Variants in SPACA7 observed in about 807,000 individuals in gnomAD.
SPACA7 encodes sperm acrosome-associated protein 7.
A neutral mutation model predicts 26.3 loss-of-function variants in SPACA7; 19 were observed. The observed-to-expected ratio is 0.72, with a 90% CI of 0.50 to 1.06. The LOEUF is 1.06. Among genes scored for constraint, SPACA7 ranks in the 50% least tolerant of loss-of-function variants. The probability of loss-of-function intolerance (pLI) is 0.00; values close to 1 mark genes in which losing one functional copy is unlikely to be tolerated. For missense variants in SPACA7, 211 were observed against 229.9 expected (o/e 0.92, Z 0.53); for synonymous variants, 84 against 84.5 (o/e 0.99, Z 0.04).
intron 5 of SPACA7, among the ~76,000 whole-genome samples, chr13:112,426,612 T>G (rs985791900): frequency 1.3e-5 from 2 of 152,214 alleles, no homozygotes; most frequent in African/African-American, 2.4e-5. Context: ...GGCATATATT[T>G]TATTAGGTTT....
intron 5 of SPACA7, among the ~76,000 whole-genome samples, chr13:112,405,326 T>G (rs1885917588): frequency 6.6e-6 from 1 of 152,184 alleles, no homozygotes; most frequent in Non-Finnish European, 1.5e-5. Context: ...TTTTTTTCCT[T>G]TTACCAATAA....
Position 112,376,533 on chromosome 13 carries a change from C to T in SPACA7, c.94+54C>T, listed in dbSNP as rs762504268. 1.7e-5 allele frequency: 27 copies of T among 1,565,654 alleles called. No homozygotes were observed. The Middle Eastern group carries it at 6.6e-4, about 39-fold the overall frequency. On this transcript the variant is annotated intron_variant, in intron 1 of 6. Coordinates refer to ENST00000283550, the MANE Select transcript of SPACA7 (RefSeq NM_145248.5). Reference sequence around the variant, plus strand: ...AAAGAGAACTGAACCAGGTGGGGAGCGGCGGCCTCTTCTCCCATGGGTTCC... The same window carrying T: ...AAAGAGAACTGAACCAGGTGGGGAGTGGCGGCCTCTTCTCCCATGGGTTCC...
intron 1 of SPACA7, among the ~76,000 whole-genome samples, chr13:112,379,908 A>T (rs1023884966): frequency 2.6e-5 from 4 of 152,254 alleles, no homozygotes; most frequent in Non-Finnish European, 4.4e-5. Context: ...GTTAAATGAC[A>T]GTAAAGAATT....
chr13:112,387,426 G>A (rs774422279), intron 1 of SPACA7, among the ~76,000 whole-genome samples: 6 of 152,324 alleles, frequency 3.9e-5, no homozygotes, highest in Non-Finnish European at 8.8e-5. Flanking sequence ...TCTATCCTGT[G>A]ATACTTCTTT....
In SPACA7 at chr13:112,414,388, C is replaced by CTTTTTTTTTTTTTTTTTTTTTTTTTTTT. The variant is rs869183760; in HGVS notation, c.445+13237_445+13264dup. Among the ~76,000 whole-genome samples, 3 of 31,396 alleles carry CTTTTTTTTTTTTTTTTTTTTTTTTTTTT rather than the reference C, an allele frequency of 9.6e-5. 1 individual carries two copies. Among genetic ancestry groups the CTTTTTTTTTTTTTTTTTTTTTTTTTTTT allele is most frequent in the Non-Finnish European group, 1.7e-4 (3 of 17,230 alleles). 20.6% of individuals were successfully genotyped at this position (31,396 alleles called of 152,430 possible). A position where few individuals can be genotyped will look rare whatever the true frequency, so the allele number is the denominator to read the frequency against. On this transcript the variant is annotated intron_variant, in intron 5 of 6. Transcript: ENST00000283550. ...AAGTTTCTGAATGGCTTTTCTGTGTCTTTTTTTTTTTTTTTTTTTTTTTTT... is the reference window on the plus strand; with the variant it reads ...AAGTTTCTGAATGGCTTTTCTGTGTCTTTTTTTTTTTTTTTTTTTTTTTTTTTTTTTTTTTTTTTTTTTTTTTTTTTTT...
At chr13:112,403,924 C>T (rs1359301051) in intron 5 of SPACA7, among the ~76,000 whole-genome samples, 1 of 152,100 alleles carries the variant, frequency 6.6e-6, no homozygotes, top group East Asian at 1.9e-4. Context: ...ACTTCTTTTC[C>T]TCTGGGTAGA....
intron 1 of SPACA7, chr13:112,382,512 G>A (rs990954179): frequency 1.3e-6 from 2 of 1,550,084 alleles, no homozygotes; most frequent in Non-Finnish European, 1.7e-6. Flanking sequence ...CCCAAGGTGA[G>A]AACAGTGGAA....
At chr13:112,430,787 A>T (rs1419744163) in intron 5 of SPACA7, among the ~76,000 whole-genome samples, 1 of 152,256 alleles carries the variant, frequency 6.6e-6, no homozygotes, top group East Asian at 1.9e-4. Context: ...TGTTAGCATC[A>T]TATACTCTTC....
Position 112,434,551 on chromosome 13 carries a change from G to C in SPACA7, c.*2G>C, listed in dbSNP as rs1324030615. On this transcript the variant is annotated 3_prime_UTR_variant, in exon 7 of 7. Transcript: ENST00000283550. ...AGGAGGAGCCAAGGCAGTCAGTGAG[G>C]CCGCAGCCCCAGACCCCCTGCGCAG... 1 of 1,603,676 alleles carries C rather than the reference G, an allele frequency of 6.2e-7. No homozygotes were observed. Among genetic ancestry groups the C allele is most frequent in the Admixed American group, 1.7e-5 (1 of 58,944 alleles).
chr13:112,383,117 AAAGAAAAGAAAGAAAGAAAG>A (rs1884241352), intron 1 of SPACA7, among the ~76,000 whole-genome samples: 1 of 10,170 alleles, frequency 9.8e-5, no homozygotes, highest in Non-Finnish European at 2.2e-4. Flanking sequence ...AAAGAAAAGA[AAAGAAAAGAAAGAAAGAAAG>A]AAAGAAAGAA....
chr13:112,397,365 G>A (rs1486171415), intron 2 of SPACA7, among the ~76,000 whole-genome samples: 1 of 152,180 alleles, frequency 6.6e-6, no homozygotes, highest in Non-Finnish European at 1.5e-5. Context: ...AGACAGCGGT[G>A]ACTCTCGGTT....
intron 5 of SPACA7, among the ~76,000 whole-genome samples, chr13:112,420,925 T>C (rs1594318958): frequency 6.6e-6 from 1 of 152,158 alleles, no homozygotes; most frequent in Admixed American, 6.5e-5. Context: ...TGGAATGACA[T>C]CTTTAAATGA....
chr13:112,420,527 T>C (rs1391888637), intron 5 of SPACA7, among the ~76,000 whole-genome samples: 2 of 83,370 alleles, frequency 2.4e-5, no homozygotes, highest in Non-Finnish European at 4.7e-5. Context: ...AACTGAAACA[T>C]AAAGGGAAAA....
intron 1 of SPACA7, chr13:112,382,575 C>T: frequency 6.6e-7 from 1 of 1,520,764 alleles, no homozygotes; most frequent in Non-Finnish European, 8.8e-7. Context: ...GCTTCCAAGG[C>T]TTGTGTGGTA....
In SPACA7 at chr13:112,434,537, A is replaced by G. The variant is rs1877549455; in HGVS notation, c.576A>G (p.Gln192=). ...GGACCAGCGCACAGAGGAGGAGCCA[A>G]GGCAGTCAGTGAGGCCGCAGCCCCA... ...QQRTSAQRRS[Q]GSQ The change falls in exon 7 of 7, where the codon CAA becomes CAG. Residue 192 remains glutamine, a synonymous_variant. Coordinates refer to ENST00000283550, the MANE Select transcript of SPACA7 (RefSeq NM_145248.5). The G allele has an allele frequency of 6.2e-7, 1 of 1,608,716 alleles. No homozygotes were observed. The highest frequency in any genetic ancestry group is 8.5e-7 in the Non-Finnish European group (1 of 1,178,004).
In SPACA7 at chr13:112,390,484, C is replaced by T. The variant is rs560266601; in HGVS notation, c.95-2537C>T. 4.6e-5 allele frequency among the ~76,000 whole-genome samples: 7 copies of T among 151,696 alleles called. No individual in the cohort carries two copies. In the South Asian group the frequency reaches 1.5e-3, roughly 32 times the overall value. ...ACAATCCGAGAGCAGCATTTTTGGCCCTCTGTATTAGTCAGTTCTTGCACT... is the reference window on the plus strand; with the variant it reads ...ACAATCCGAGAGCAGCATTTTTGGCTCTCTGTATTAGTCAGTTCTTGCACT... On this transcript the variant is annotated intron_variant, in intron 1 of 6. Transcript: ENST00000283550.
chr13:112,403,690 C>T (rs1885792114), intron 5 of SPACA7, among the ~76,000 whole-genome samples: 1 of 152,182 alleles, frequency 6.6e-6, no homozygotes, highest in Admixed American at 6.6e-5. Flanking sequence ...TTTTCCATTA[C>T]TGAGTTACTG....
At chr13:112,395,312 G>A (rs1885168424) in intron 2 of SPACA7, among the ~76,000 whole-genome samples, 1 of 152,222 alleles carries the variant, frequency 6.6e-6, no homozygotes, top group South Asian at 2.1e-4. Flanking sequence ...AGCTGTCGAT[G>A]ATGGATGCAT....
chr13:112,427,479 C>T (rs1476579274), intron 5 of SPACA7, among the ~76,000 whole-genome samples: 2 of 152,100 alleles, frequency 1.3e-5, no homozygotes, highest in East Asian at 1.9e-4. Context: ...GCATCTGTAT[C>T]CCTGGGGGAC....
Sources: allele counts gnomAD v4.1 joint callset (sites outside exome capture counted in the v4.1 genomes callset), GRCh38; gene constraint gnomAD v4.1.1; transcripts MANE v1.5; gene names NCBI Gene and HGNC (gene_info 2026-07-23, HGNC 2026-07-21).